GPX7: variants seen among roughly 807,000 people sequenced by gnomAD.
GPX7 encodes the protein glutathione peroxidase 7.
Under a neutral mutation model 23.7 loss-of-function variants are expected in GPX7, and 21 were observed. The ratio of observed to expected loss-of-function variants is 0.89; its 90% CI spans 0.63 to 1.28. The LOEUF is 1.28. Ranked by LOEUF, GPX7 falls within the 50% of genes most tolerant of loss-of-function variation. GPX7 has a pLI of 0.00. For missense variants in GPX7, 238 were observed against 237.3 expected (o/e 1.00, Z -0.02); for synonymous variants, 112 against 101.8 (o/e 1.10, Z -0.61).
At chr1:52,607,708 G>A (rs973520528) in intron 2 of GPX7, among the ~76,000 whole-genome samples, 15 of 152,138 alleles carry the variant, frequency 9.9e-5, no homozygotes, top group Non-Finnish European at 4.4e-5. Flanking sequence ...TTTGCTCTGT[G>A]GCTCAGTCCT....
At chr1:52,607,082 C>A in intron 2 of GPX7, 137 bp downstream of exon 2, 1 of 800,164 alleles carries the variant, frequency 1.2e-6, no homozygotes, top group Non-Finnish European at 2.1e-6. Context: ...TGGACTGATG[C>A]TTTGTTCCAG....
Position 52,608,426 on chromosome 1 carries a change from C to T in GPX7, c.*1C>T. The T allele has an allele frequency of 6.2e-7, 1 of 1,603,130 alleles. No individual in the cohort carries two copies. On this transcript the variant is annotated 3_prime_UTR_variant, in exon 3 of 3. Transcript: ENST00000361314. ...CCTACTGAAGCGAGAAGACTTATAA[C>T]CACCGCGTCTCCTCCTCCACCACCT...
At position 52,608,417 on chromosome 1, in the gene GPX7, G is replaced by T. The variant is rs753689663; in HGVS notation, c.556G>T (p.Asp186Tyr). The T allele has an allele frequency of 1.2e-6, 2 of 1,610,708 alleles. No homozygotes were observed. The highest frequency in any genetic ancestry group is 8.5e-7 in the Non-Finnish European group (1 of 1,178,694). The change falls in exon 3 of 3, where the codon GAC (aspartate) becomes TAC (tyrosine). Residue 186 changes from aspartate to tyrosine, a missense_variant. Coordinates refer to ENST00000361314, the MANE Select transcript of GPX7 (RefSeq NM_015696.5). ...VRKLILLKREDL is the reference protein window; with the variant it reads ...VRKLILLKREYL ...GAAGCTCATCCTACTGAAGCGAGAA[G>T]ACTTATAACCACCGCGTCTCCTCCT...
At position 52,608,791 on chromosome 1, in the gene GPX7, T is replaced by A. The variant is rs1257339857; in HGVS notation, c.*366T>A. On this transcript the variant is annotated 3_prime_UTR_variant, in exon 3 of 3. Coordinates refer to ENST00000361314, the MANE Select transcript of GPX7 (RefSeq NM_015696.5). ...GGCTGTTGTGAGGATTAGGATGAAA[T>A]ACCTGTGAAAGTGCCTAGGCAGTGC... 3.2e-5 allele frequency: 5 copies of A among 157,284 alleles called. No homozygotes were observed. Among genetic ancestry groups the A allele is most frequent in the African/African-American group, 1.2e-4 (5 of 41,644 alleles). 9.7% of individuals were successfully genotyped at this position (157,284 alleles called of 1,614,324 possible).
In GPX7 at chr1:52,608,387, G is replaced by C. The variant is rs759804805; in HGVS notation, c.526G>C (p.Val176Leu). The change falls in exon 3 of 3, where the codon GTG (valine) becomes CTG (leucine). Residue 176 changes from valine (V) to leucine (L), a missense_variant. Val to Leu is a conservative substitution (Grantham distance 32, BLOSUM62 1). Coordinates refer to ENST00000361314, the MANE Select transcript of GPX7 (RefSeq NM_015696.5). ...GGTCAGACCCCAGATCACAGCGCTC[G>C]TGAGGAAGCTCATCCTACTGAAGCG... is the stretch of plus-strand genomic sequence containing the variant. ...EEVRPQITAL[V>L]RKLILLKRED... 3 of 1,613,464 alleles carry C rather than the reference G, an allele frequency of 1.9e-6. No individual in the cohort carries two copies. The highest frequency in any genetic ancestry group is 2.5e-6 in the Non-Finnish European group (3 of 1,179,830).
At chr1:52,607,682 T>C (rs1690869476) in intron 2 of GPX7, among the ~76,000 whole-genome samples, 1 of 152,240 alleles carries the variant, frequency 6.6e-6, no homozygotes, top group Non-Finnish European at 1.5e-5. Context: ...GGTCCCTTAC[T>C]GCGGCAGGTT....
intron 2 of GPX7, chr1:52,607,290 G>A (rs1690865098): frequency 3.6e-6 from 1 of 275,574 alleles, no homozygotes; most frequent in African/African-American, 2.1e-5. Context: ...ATGGACATAT[G>A]ATGGAGAAAC....
rs1448945662 is a variant in GPX7 at position 52,608,391 on chromosome 1, G to A, written c.530G>A (p.Arg177Lys). 1.9e-6 allele frequency: 3 copies of A among 1,613,502 alleles called. No homozygotes were observed. The South Asian group carries it at 3.3e-5, about 18-fold the overall frequency. The change falls in exon 3 of 3, where the codon AGG becomes AAG. Residue 177 changes from arginine to lysine, a missense_variant. Coordinates refer to ENST00000361314, the MANE Select transcript of GPX7 (RefSeq NM_015696.5). ...AGACCCCAGATCACAGCGCTCGTGA[G>A]GAAGCTCATCCTACTGAAGCGAGAA... ...EVRPQITALV[R>K]KLILLKREDL
At position 52,606,723 on chromosome 1, in the gene GPX7, A is replaced by G. The variant is rs754592099; in HGVS notation, c.178A>G (p.Thr60Ala). 6 of 1,614,080 alleles carry G rather than the reference A, an allele frequency of 3.7e-6. No individual in the cohort carries two copies. The highest frequency in any genetic ancestry group is 5.1e-6 in the Non-Finnish European group (6 of 1,180,022). ...VVNVASECGFTDQHYRALQQL... is the reference protein window; with the variant it reads ...VVNVASECGFADQHYRALQQL... The stretch of plus-strand genomic sequence containing the variant: ...GAATGTGGCCAGCGAGTGCGGCTTC[A>G]CAGACCAGCACTACCGAGCCCTGCA... Residue 60 changes from threonine to alanine, a missense_variant, in exon 2 of 3, where the codon ACA (threonine) becomes GCA (alanine). Physicochemically the swap from Thr to Ala is moderately conservative, Grantham distance 58. Transcript: ENST00000361314.
Position 52,602,385 on chromosome 1 carries a change from G to T in GPX7, c.-25G>T. On this transcript the variant is annotated 5_prime_UTR_variant, in exon 1 of 3. Coordinates refer to ENST00000361314, the MANE Select transcript of GPX7 (RefSeq NM_015696.5). The stretch of plus-strand genomic sequence containing the variant: ...CCCCCCGCCCCGTCTTTGCCCTCGC[G>T]ACGCCGCCACCTCCGGAACAAGCCA... 2.1e-6 allele frequency: 3 copies of T among 1,447,148 alleles called. No individual in the cohort carries two copies. Among genetic ancestry groups the T allele is most frequent in the South Asian group, 2.7e-5 (2 of 73,436 alleles). 89.6% of individuals were successfully genotyped at this position (1,447,148 alleles called of 1,614,324 possible).
At position 52,608,311 on chromosome 1, in the gene GPX7, C is replaced by T; in HGVS notation, c.450C>T (p.Ala150=). The T allele has an allele frequency of 1.9e-6, 3 of 1,613,866 alleles. No individual in the cohort carries two copies. In the South Asian group the frequency reaches 3.3e-5, roughly 18 times the overall value. Residue 150 remains alanine (A), a synonymous_variant, in exon 3 of 3, where the codon GCC becomes GCT. Transcript: ENST00000361314. The part of the protein sequence containing the change: ...PTWNFWKYLV[A]PDGKVVGAWD... The stretch of plus-strand genomic sequence containing the variant: ...GGAACTTCTGGAAGTACCTAGTAGC[C>T]CCAGATGGAAAGGTGGTAGGGGCTT...
intron 1 of GPX7, among the ~76,000 whole-genome samples, chr1:52,604,680 G>C (rs1269013285): frequency 6.6e-6 from 1 of 152,146 alleles, no homozygotes; most frequent in Non-Finnish European, 1.5e-5. Flanking sequence ...TTTGGTTTCA[G>C]GGATGGAACT....
intron 2 of GPX7, among the ~76,000 whole-genome samples, chr1:52,608,060 G>A (rs949883119): frequency 5.9e-5 from 9 of 152,094 alleles, no homozygotes; most frequent in Non-Finnish European, 8.8e-5. Context: ...TCTCAACCTC[G>A]GCCCCACTTT....
At chr1:52,608,140 G>A (rs1192073699) in intron 2 of GPX7, 122 bp from the exon 3 acceptor site, 1 of 825,044 alleles carries the variant, frequency 1.2e-6, no homozygotes, top group African/African-American at 1.7e-5. Context: ...TGGTTGGAGT[G>A]GTCTGGGGTG....
intron 1 of GPX7, among the ~76,000 whole-genome samples, chr1:52,604,727 G>C (rs1346745033): frequency 6.6e-6 from 1 of 152,200 alleles, no homozygotes; most frequent in African/African-American, 2.4e-5. Context: ...AGAGCGGGCA[G>C]ACATGCAAGT....
Position 52,608,564 on chromosome 1 carries a change from G to T in GPX7, c.*139G>T. 1 of 620,002 alleles carries T rather than the reference G, an allele frequency of 1.6e-6. No homozygotes were observed. Among genetic ancestry groups the T allele is most frequent in the Non-Finnish European group, 2.5e-6 (1 of 407,164 alleles). The allele number at this position is 620,002 out of a possible 1,614,324, so 38.4% of individuals were successfully genotyped here. On this transcript the variant is annotated 3_prime_UTR_variant, in exon 3 of 3. Transcript: ENST00000361314. The stretch of plus-strand genomic sequence containing the variant: ...TTATGCCATTGGTCCCATCATTCTT[G>T]TGGGGGAAAAATTCTAGTATTTTGA...
At chr1:52,607,880 TC>T (rs869238933) in intron 2 of GPX7, among the ~76,000 whole-genome samples, 1 of 108,218 alleles carries the variant, frequency 9.2e-6, no homozygotes, top group Admixed American at 1.1e-4. Context: ...TTTTAAGCAC[TC>T]CCCTGACCCC....
chr1:52,607,299 A>C, intron 2 of GPX7: 1 of 250,502 alleles, frequency 4.0e-6, no homozygotes, highest in Non-Finnish European at 7.7e-6. Flanking sequence ...TGATGGAGAA[A>C]CCAAGGCATA....
rs1463378681 is a variant in GPX7, at chr1:52,602,433, G to A, written c.24G>A (p.Ala8=). ...CCATGGTGGCGGCGACGGTGGCAGCGGCGTGGCTGCTCCTGTGGGCTGCGG... is the reference window on the plus strand; with the variant it reads ...CCATGGTGGCGGCGACGGTGGCAGCAGCGTGGCTGCTCCTGTGGGCTGCGG... MVAATVA[A]AWLLLWAAAC... is the part of the protein sequence containing the mutation. Residue 8 remains alanine (A), a synonymous_variant, in exon 1 of 3, where the codon GCG becomes GCA. Transcript: ENST00000361314. 4 of 1,522,336 alleles carry A rather than the reference G, an allele frequency of 2.6e-6. No homozygotes were observed. Among genetic ancestry groups the A allele is most frequent in the Admixed American group, 2.1e-5 (1 of 46,632 alleles). The allele number at this position is 1,522,336 out of a possible 1,614,324, so 94.3% of individuals were successfully genotyped here. A position where few individuals can be genotyped will look rare whatever the true frequency, so the allele number is the denominator to read the frequency against.
Sources: gnomAD v4.1 joint callset for allele counts (sites outside exome capture counted in the v4.1 genomes callset) on GRCh38, gnomAD v4.1.1 for gene constraint, MANE v1.5 for transcripts, NCBI Gene and HGNC (gene_info 2026-07-23, HGNC 2026-07-21) for gene names.